SPMIP10: variants seen among roughly 807,000 people sequenced by gnomAD.
SPMIP10 encodes sperm microtubule inner protein 10, also known as sperm-associated microtubule inner protein 10.
chr5:126,632,258 TAAAAAAAAAA>T, the SPMIP10 span, among the ~76,000 whole-genome samples: 13 of 57,190 alleles, frequency 2.3e-4, no homozygotes, highest in South Asian at 1.9e-3. Flanking sequence ...TCCATCTCAT[TAAAAAAAAAA>T]AAAAAAAAAA....
chr5:126,631,899 T>C, the SPMIP10 span: 42 of 872,074 alleles, frequency 4.8e-5, 1 homozygote, highest in South Asian at 4.9e-4. Flanking sequence ...GTCAATAACT[T>C]TGTGTTCCCC....
chr5:126,635,943 T>G, the SPMIP10 span: 1 of 1,129,436 alleles, frequency 8.9e-7, no homozygotes, highest in East Asian at 2.3e-5. Context: ...ATTACAGGCA[T>G]GAGCCATGGC....
At chr5:126,633,807 GCACA>G in the SPMIP10 span, among the ~76,000 whole-genome samples, 1 of 152,022 alleles carries the variant, frequency 6.6e-6, no homozygotes, top group Admixed American at 6.6e-5. Context: ...GGGACTACAG[GCACA>G]TGCCACCATG....
chr5:126,634,009 C>T, the SPMIP10 span, among the ~76,000 whole-genome samples: 1 of 152,154 alleles, frequency 6.6e-6, no homozygotes, highest in Non-Finnish European at 1.5e-5. Flanking sequence ...TAAAATGCCG[C>T]AGCCACTGTA....
At chr5:126,632,274 A>C in the SPMIP10 span, among the ~76,000 whole-genome samples, 105 of 149,722 alleles carry the variant, frequency 7.0e-4, 2 homozygotes, top group African/African-American at 2.5e-3. Flanking sequence ...AAAAAAAAAA[A>C]AAAAAAAAAA....
the SPMIP10 span, among the ~76,000 whole-genome samples, chr5:126,634,921 T>G: frequency 1.3e-5 from 2 of 151,942 alleles, no homozygotes; most frequent in African/African-American, 4.8e-5. Context: ...GCCTCTAATC[T>G]TAGCACGTTG....
chr5:126,635,937 C>T, the SPMIP10 span: 312 of 1,050,370 alleles, frequency 3.0e-4, no homozygotes, highest in Non-Finnish European at 3.7e-4. Flanking sequence ...GCTGGGATTA[C>T]AGGCATGAGC....
the SPMIP10 span, among the ~76,000 whole-genome samples, chr5:126,632,918 C>T: frequency 0.17 from 26,238 of 150,252 alleles, 4,648 homozygotes; most frequent in African/African-American, 0.46. Context: ...ACCCGAGAGG[C>T]AGAGGTTGCA....
the SPMIP10 span, among the ~76,000 whole-genome samples, chr5:126,633,032 T>A: frequency 2.6e-3 from 374 of 146,498 alleles, 8 homozygotes; most frequent in African/African-American, 8.1e-3. Flanking sequence ...TATATATATA[T>A]AATTTAGTAT....
chr5:126,635,458 C>T, the SPMIP10 span, among the ~76,000 whole-genome samples: 1 of 152,004 alleles, frequency 6.6e-6, no homozygotes, highest in Non-Finnish European at 1.5e-5. Context: ...TTTGAAAAAG[C>T]TGAGTCTTCT....
the SPMIP10 span, among the ~76,000 whole-genome samples, chr5:126,633,489 A>G: frequency 6.6e-6 from 1 of 151,448 alleles, no homozygotes; most frequent in Non-Finnish European, 1.5e-5. Context: ...TCTCCCAAGT[A>G]GCTGGGATTA....
At chr5:126,631,742 C>T in the SPMIP10 span, 1 of 1,609,468 alleles carries the variant, frequency 6.2e-7, no homozygotes, top group Non-Finnish European at 8.5e-7. Flanking sequence ...GGAATGGCTT[C>T]AGGGAAAGAT....
At chr5:126,633,111 G>A in the SPMIP10 span, among the ~76,000 whole-genome samples, 1 of 150,048 alleles carries the variant, frequency 6.7e-6, no homozygotes, top group African/African-American at 2.5e-5. Flanking sequence ...GCAAACAAAT[G>A]TTAAATAGTA....
chr5:126,634,882 T>A, the SPMIP10 span, among the ~76,000 whole-genome samples: 1 of 152,032 alleles, frequency 6.6e-6, no homozygotes, highest in Non-Finnish European at 1.5e-5. Context: ...TTAAAAAATA[T>A]AGCACACAGA....
At chr5:126,636,187 C>T in the SPMIP10 span, 3 of 1,614,052 alleles carry the variant, frequency 1.9e-6, no homozygotes, top group South Asian at 2.2e-5. Context: ...ATTCGCCTCT[C>T]TCCAGATACC....
At chr5:126,632,621 A>C in the SPMIP10 span, 1 of 1,609,278 alleles carries the variant, frequency 6.2e-7, no homozygotes, top group Non-Finnish European at 8.5e-7. Context: ...TGCCTTGGAA[A>C]GAAAACATGA....
At chr5:126,634,695 T>G in the SPMIP10 span, among the ~76,000 whole-genome samples, 4 of 152,306 alleles carry the variant, frequency 2.6e-5, no homozygotes, top group Non-Finnish European at 5.9e-5. Context: ...TTCAGAGCTA[T>G]TTTACTTTTG....
At chr5:126,632,038 A>G in the SPMIP10 span, among the ~76,000 whole-genome samples, 1 of 152,006 alleles carries the variant, frequency 6.6e-6, no homozygotes, top group African/African-American at 2.4e-5. Context: ...GTGGCTGGCC[A>G]GACATTTCCT....
At chr5:126,635,171 AATATAT>A in the SPMIP10 span, among the ~76,000 whole-genome samples, 13,854 of 140,144 alleles carry the variant, frequency 0.099, 897 homozygotes, top group African/African-American at 0.19. Context: ...CCGTCTGTGA[AATATAT>A]ATATATATAT....
Sources: gnomAD v4.1 joint callset for allele counts (sites outside exome capture counted in the v4.1 genomes callset) on GRCh38, gnomAD v4.1.1 for gene constraint, MANE v1.5 for transcripts, NCBI Gene and HGNC (gene_info 2026-07-23, HGNC 2026-07-21) for gene names.